COL28A1: variants seen among roughly 807,000 people sequenced by gnomAD.
COL28A1 encodes collagen alpha-1(XXVIII) chain.
Under a neutral mutation model 150.2 loss-of-function variants are expected in COL28A1, and 161 were observed. The observed-to-expected ratio is 1.07, with a 90% CI of 0.94 to 1.22. The LOEUF is 1.22. COL28A1 is among the 50% of genes most tolerant of loss of function. COL28A1 has a pLI of 0.00. For missense variants in COL28A1, 1,617 were observed against 1,388.3 expected, an observed-to-expected ratio of 1.16 and a Z score of -2.62; for synonymous variants, 552 against 469.7, an observed-to-expected ratio of 1.18 and a Z score of -2.26.
rs1458599751 is a variant in COL28A1 at position 7,456,170 on chromosome 7, CT to C, written c.1303-59del. The C allele has an allele frequency of 2.1e-5, 33 of 1,562,958 alleles. No homozygotes were observed. In the Admixed American group the frequency reaches 6.0e-4, roughly 28 times the overall value. ...TAAAATAAAATCTTATTATTTCATA[CT>C]TTGCTAACCTGGAATTGGGCTGTGT... On this transcript the variant is annotated intron_variant, in intron 15 of 34. Transcript: ENST00000399429.
At chr7:7,466,046 G>A (rs1487452051) in intron 15 of COL28A1, among the ~76,000 whole-genome samples, 17 of 130,396 alleles carry the variant, frequency 1.3e-4, no homozygotes, top group African/African-American at 3.8e-4. Context: ...AACGCAGAGC[G>A]CCTCTCCTCC....
At chr7:7,484,406 T>A (rs973521536) in intron 13 of COL28A1, among the ~76,000 whole-genome samples, 5 of 151,994 alleles carry the variant, frequency 3.3e-5, no homozygotes, top group African/African-American at 1.2e-4. Context: ...ACTGAAAACA[T>A]CTTCTGAAAG....
chr7:7,407,406 A>G (rs1374521207), intron 27 of COL28A1, among the ~76,000 whole-genome samples: 1 of 152,094 alleles, frequency 6.6e-6, no homozygotes, highest in Non-Finnish European at 1.5e-5. Flanking sequence ...TAATAGTAAG[A>G]ATGCAAAACA....
chr7:7,425,096 CTTAT>C (rs1784586511), intron 25 of COL28A1, among the ~76,000 whole-genome samples: 1 of 151,838 alleles, frequency 6.6e-6, no homozygotes, highest in Non-Finnish European at 1.5e-5. Flanking sequence ...AAAAATAATA[CTTAT>C]TAAGTTTATT....
intron 27 of COL28A1, among the ~76,000 whole-genome samples, chr7:7,386,500 A>G (rs1380188182): frequency 6.6e-6 from 1 of 152,240 alleles, no homozygotes; most frequent in African/African-American, 2.4e-5. Context: ...AAGGAAAGTC[A>G]AGATCCTTCA....
intron 27 of COL28A1, among the ~76,000 whole-genome samples, chr7:7,397,885 C>T (rs1240676282): frequency 6.6e-6 from 1 of 152,192 alleles, no homozygotes; most frequent in Admixed American, 6.5e-5. Context: ...ACTCTCATCG[C>T]ATAATGAAGA....
chr7:7,479,642 T>C (rs865921055), intron 13 of COL28A1, among the ~76,000 whole-genome samples: 3 of 152,216 alleles, frequency 2.0e-5, no homozygotes, highest in African/African-American at 4.8e-5. Context: ...GAAATCTTGA[T>C]AGGATCATTA....
At position 7,531,591 on chromosome 7, in the gene COL28A1, T is replaced by C. The variant is rs1195588829; in HGVS notation, c.438A>G (p.Arg146=). Residue 146 remains arginine, a synonymous_variant, in exon 3 of 35, where the codon AGA becomes AGG. Transcript: ENST00000399429. The part of the protein sequence containing the change: ...AISNATRLLK[R]EGRKDGVKVV... ...CTTTCACACCATCCTTACGCCCTTC[T>C]CTCTTAAGTAGCCTAGTGGCATTGG... 1 of 1,604,986 alleles carries C rather than the reference T, an allele frequency of 6.2e-7. No homozygotes were observed. Among genetic ancestry groups the C allele is most frequent in the East Asian group, 2.2e-5 (1 of 44,846 alleles).
chr7:7,385,035 A>G (rs1782099287), intron 27 of COL28A1, among the ~76,000 whole-genome samples: 1 of 152,228 alleles, frequency 6.6e-6, no homozygotes, highest in African/African-American at 2.4e-5. Flanking sequence ...GCCTACATAC[A>G]GACTAGCAGC....
intron 26 of COL28A1, 141 bp downstream of exon 26, chr7:7,419,744 T>G (rs1252799441): frequency 1.1e-5 from 5 of 447,678 alleles, no homozygotes; most frequent in Non-Finnish European, 2.0e-5. Context: ...GTTCACCTGA[T>G]ATGAAAAATA....
At chr7:7,514,721 C>A (rs992323572) in intron 8 of COL28A1, among the ~76,000 whole-genome samples, 3 of 152,150 alleles carry the variant, frequency 2.0e-5, no homozygotes, top group Non-Finnish European at 4.4e-5. Context: ...GAGGTCCTTG[C>A]CAGACATAGC....
the COL28A1 span, among the ~76,000 whole-genome samples, chr7:7,542,621 G>C: frequency 2.0e-5 from 3 of 152,184 alleles, no homozygotes; most frequent in African/African-American, 7.2e-5. Context: ...CAGGAGCAGA[G>C]GATAAACAGT....
intron 1 of COL28A1, 35 bp from the exon 2 acceptor site, chr7:7,532,947 A>G (rs1286333826): frequency 1.4e-6 from 2 of 1,450,252 alleles, no homozygotes; most frequent in Non-Finnish European, 9.1e-7. Flanking sequence ...ATACTTTAAT[A>G]AAATATGGTG....
chr7:7,500,009 G>A (rs1223135536), intron 11 of COL28A1, among the ~76,000 whole-genome samples: 2 of 152,162 alleles, frequency 1.3e-5, no homozygotes, highest in East Asian at 3.8e-4. Context: ...GAAGAAAGTA[G>A]AAGTAACACA....
At chr7:7,528,953 T>C (rs1363876406) in intron 3 of COL28A1, among the ~76,000 whole-genome samples, 4 of 152,092 alleles carry the variant, frequency 2.6e-5, no homozygotes, top group Non-Finnish European at 5.9e-5. Flanking sequence ...AAAATTCAAC[T>C]AAAGATGTAA....
Position 7,456,053 on chromosome 7 carries a change from T to A in COL28A1, c.1362A>T (p.Gln454His), listed in dbSNP as rs577280435. ...GPMGIPGIGS[Q>H]GEQGIQGPIG... Reference sequence around the variant, plus strand: ...AGAATGCATTAATTACCTGTTCCCCTTGACTCCCGATTCCAGGGATACCCA... The same window carrying A: ...AGAATGCATTAATTACCTGTTCCCCATGACTCCCGATTCCAGGGATACCCA... The change falls in exon 16 of 35, where the codon CAA (glutamine) becomes CAT (histidine). Residue 454 changes from glutamine (Q) to histidine (H), a missense_variant. Transcript: ENST00000399429. 42 of 1,613,924 alleles carry A rather than the reference T, an allele frequency of 2.6e-5. 1 individual carries two copies. In the South Asian group the frequency reaches 4.5e-4, roughly 17 times the overall value.
At chr7:7,425,646 C>T (rs552545947) in intron 25 of COL28A1, among the ~76,000 whole-genome samples, 11 of 152,242 alleles carry the variant, frequency 7.2e-5, no homozygotes, top group Admixed American at 2.6e-4. Flanking sequence ...GATTTGGCAG[C>T]GTGATGCATA....
At chr7:7,339,109 G>A in the COL28A1 span, among the ~76,000 whole-genome samples, 5 of 152,096 alleles carry the variant, frequency 3.3e-5, no homozygotes, top group East Asian at 1.9e-4. Context: ...CAACTCATTC[G>A]TAGATATTTG....
At chr7:7,498,867 C>T (rs527735909) in intron 11 of COL28A1, among the ~76,000 whole-genome samples, 1 of 151,618 alleles carries the variant, frequency 6.6e-6, no homozygotes, top group African/African-American at 2.4e-5. Context: ...ATTTTCAGTT[C>T]CTTGGTCCAT....
Sources: allele counts gnomAD v4.1 joint callset (sites outside exome capture counted in the v4.1 genomes callset), GRCh38; gene constraint gnomAD v4.1.1; transcripts MANE v1.5; gene names NCBI Gene and HGNC (gene_info 2026-07-23, HGNC 2026-07-21).